Variants in R3HDM2 observed in about 807,000 individuals in gnomAD.
R3HDM2 encodes R3H domain containing 2.
Under a neutral mutation model 124.5 loss-of-function variants are expected in R3HDM2, and 38 were observed. That is an observed-to-expected ratio of 0.31 (90% CI 0.24 to 0.40). The LOEUF is 0.40. Ranked by LOEUF, R3HDM2 falls within the 10% of genes least tolerant of loss-of-function variation. The probability of loss-of-function intolerance (pLI) is 1.00; values close to 1 mark genes in which losing one functional copy is unlikely to be tolerated. For missense variants in R3HDM2, 869 were observed against 1,236.9 expected (o/e 0.70, Z 4.46); for synonymous variants, 391 against 448.0 (o/e 0.87, Z 1.61).
At chr12:57,257,927 G>A (rs2039539087) in intron 21 of R3HDM2, 63 bp downstream of exon 21, 1 of 1,383,880 alleles carries the variant, frequency 7.2e-7, no homozygotes. Context: ...TTCAATCTCT[G>A]CAATTGGGAA....
At chr12:57,408,609 T>C (rs772416527) in intron 1 of R3HDM2, among the ~76,000 whole-genome samples, 5 of 152,098 alleles carry the variant, frequency 3.3e-5, no homozygotes, top group Admixed American at 2.0e-4. Context: ...ACTAGGAATA[T>C]AGATGAAACA....
intron 2 of R3HDM2, among the ~76,000 whole-genome samples, chr12:57,335,416 C>T (rs1336545135): frequency 6.6e-6 from 1 of 151,324 alleles, no homozygotes; most frequent in Non-Finnish European, 1.5e-5. Flanking sequence ...CCATGTTGGC[C>T]AGGCTGGCCT....
At chr12:57,371,082 A>AATTTTTTTTTT (rs1491062795) in intron 2 of R3HDM2, among the ~76,000 whole-genome samples, 1 of 50,822 alleles carries the variant, frequency 2.0e-5, no homozygotes, top group Admixed American at 2.6e-4. Flanking sequence ...ATATACCATT[A>AATTTTTTTTTT]CTTTTTTTTT....
chr12:57,418,169 T>C, intron 1 of R3HDM2: 1 of 985,410 alleles, frequency 1.0e-6, no homozygotes, highest in Non-Finnish European at 1.2e-6. Flanking sequence ...ACCACCCAGT[T>C]TGCCCAAGAC....
At chr12:57,367,266 C>T (rs1043393060) in intron 2 of R3HDM2, among the ~76,000 whole-genome samples, 1 of 152,156 alleles carries the variant, frequency 6.6e-6, no homozygotes, top group Non-Finnish European at 1.5e-5. Flanking sequence ...TACCAGTGAA[C>T]TAAAGCTAAA....
At chr12:57,276,050 T>G (rs2044637109) in intron 14 of R3HDM2, among the ~76,000 whole-genome samples, 1 of 151,908 alleles carries the variant, frequency 6.6e-6, no homozygotes, top group Non-Finnish European at 1.5e-5. Flanking sequence ...ACCCCGTCTC[T>G]ACTAAAAATA....
chr12:57,407,440 C>G (rs2068627720), intron 1 of R3HDM2, among the ~76,000 whole-genome samples: 1 of 151,708 alleles, frequency 6.6e-6, no homozygotes, highest in Non-Finnish European at 1.5e-5. Flanking sequence ...GAGTCTCACT[C>G]TGTTGCCCAG....
At position 57,295,724 on chromosome 12, in the gene R3HDM2, T is replaced by C. The variant is rs1592885671; in HGVS notation, c.702-217A>G. ...TCTTCCTCCATAGTTATATCTGTCCTATCAGTGAAGTGAAGAGAGGCTAGG... is the reference window on the plus strand; with the variant it reads ...TCTTCCTCCATAGTTATATCTGTCCCATCAGTGAAGTGAAGAGAGGCTAGG... On this transcript the variant is annotated intron_variant, in intron 9 of 23. Transcript: ENST00000402412. 6.0e-6 allele frequency: 3 copies of C among 502,180 alleles called. No homozygotes were observed. In the South Asian group the frequency reaches 7.7e-5, roughly 13 times the overall value. 31.1% of individuals were successfully genotyped at this position (502,180 alleles called of 1,614,324 possible). A position where few individuals can be genotyped will look rare whatever the true frequency, so the allele number is the denominator to read the frequency against.
intron 1 of R3HDM2, among the ~76,000 whole-genome samples, chr12:57,407,046 C>T (rs932459946): frequency 3.9e-5 from 6 of 151,992 alleles, no homozygotes; most frequent in Non-Finnish European, 7.4e-5. Context: ...GTCAGAATTT[C>T]GAGACCAGCC....
rs2137368759 is a variant in R3HDM2 at position 57,268,465 on chromosome 12, A to C, written c.1876-8T>G. The C allele has an allele frequency of 6.2e-7, 1 of 1,613,440 alleles. No individual in the cohort carries two copies. Among genetic ancestry groups the C allele is most frequent in the African/African-American group, 1.3e-5 (1 of 75,018 alleles). ...GTCACTACCCACTGGAACCTGGGTG[A>C]GAAAGAGAAGAGAAAGAATCACATT... On this transcript the variant is annotated splice_polypyrimidine_tract_variant and splice_region_variant and intron_variant, in intron 17 of 23. Coordinates refer to ENST00000402412, the MANE Select transcript of R3HDM2 (RefSeq NM_001394031.1).
chr12:57,317,710 G>A (rs1251944143), intron 2 of R3HDM2, among the ~76,000 whole-genome samples: 1 of 151,178 alleles, frequency 6.6e-6, no homozygotes, highest in East Asian at 1.9e-4. Flanking sequence ...CAGAGGAACG[G>A]GCCAGGCCGG....
intron 1 of R3HDM2, among the ~76,000 whole-genome samples, chr12:57,409,467 A>G (rs2068814842): frequency 6.6e-6 from 1 of 151,306 alleles, no homozygotes; most frequent in Non-Finnish European, 1.5e-5. Flanking sequence ...TAACTGATAA[A>G]GTAGAGTGAA....
chr12:57,373,347 A>C (rs1376065283), intron 2 of R3HDM2, among the ~76,000 whole-genome samples: 1 of 152,188 alleles, frequency 6.6e-6, no homozygotes, highest in East Asian at 1.9e-4. Flanking sequence ...AAAAATACAA[A>C]AAATTAGCCG....
At chr12:57,360,129 A>C (rs1348373388) in intron 2 of R3HDM2, among the ~76,000 whole-genome samples, 3 of 150,122 alleles carry the variant, frequency 2.0e-5, no homozygotes, top group Non-Finnish European at 4.4e-5. Context: ...TCTGGGCTCA[A>C]ACAATTCTCC....
intron 2 of R3HDM2, among the ~76,000 whole-genome samples, chr12:57,392,665 C>T (rs1400205117): frequency 1.3e-5 from 2 of 152,098 alleles, no homozygotes; most frequent in African/African-American, 4.8e-5. Flanking sequence ...GCGATCTCGG[C>T]TCACCACAAC....
chr12:57,325,951 G>A (rs548972011), intron 2 of R3HDM2, among the ~76,000 whole-genome samples: 27 of 151,948 alleles, frequency 1.8e-4, no homozygotes, highest in Non-Finnish European at 3.7e-4. Context: ...CATGTTCTGT[G>A]TCACATTTTG....
intron 2 of R3HDM2, among the ~76,000 whole-genome samples, chr12:57,360,826 C>T (rs1023506144): frequency 2.0e-5 from 3 of 151,796 alleles, no homozygotes; most frequent in African/African-American, 4.8e-5. Context: ...GAGGCTGAGG[C>T]GGGCGGGTCA....
At position 57,366,930 on chromosome 12, in the gene R3HDM2, G is replaced by GC. The variant is rs2062733373; in HGVS notation, c.-36+28818dup. ...TGGTCTCGATCTGACCTCATGATCC[G>GC]CCCGCCTTTGCCTCCCAAAGTGCTG... On this transcript the variant is annotated intron_variant, in intron 2 of 23. Coordinates refer to ENST00000402412, the MANE Select transcript of R3HDM2 (RefSeq NM_001394031.1). Among the ~76,000 whole-genome samples the GC allele has an allele frequency of 2.0e-5, 3 of 151,920 alleles. No homozygotes were observed. The South Asian group carries it at 6.2e-4, about 32-fold the overall frequency.
intron 2 of R3HDM2, among the ~76,000 whole-genome samples, chr12:57,374,794 T>A (rs1194194968): frequency 2.2e-5 from 3 of 137,862 alleles, no homozygotes; most frequent in Non-Finnish European, 3.0e-5. Context: ...GAGATCAAGA[T>A]CATCCTGGCT....
Sources: gnomAD v4.1 joint callset for allele counts (sites outside exome capture counted in the v4.1 genomes callset) on GRCh38, gnomAD v4.1.1 for gene constraint, MANE v1.5 for transcripts, NCBI Gene and HGNC (gene_info 2026-07-23, HGNC 2026-07-21) for gene names.